The following ATXN1 variants were observed in gnomAD, a reference collection of about 807,000 sequenced individuals.
The protein encoded by ATXN1 is ataxin-1.
Under a neutral mutation model 56.4 loss-of-function variants are expected in ATXN1, and 8 were observed. The ratio of observed to expected loss-of-function variants is 0.14; its 90% CI spans 0.08 to 0.26. The LOEUF (loss-of-function observed/expected upper bound fraction) is 0.26. ATXN1 is among the 10% of genes least tolerant of loss of function. The pLI, the probability that ATXN1 is intolerant of heterozygous loss-of-function variation, is 1.00. For missense variants in ATXN1, 987 were observed against 1,106.5 expected, an observed-to-expected ratio of 0.89 and a Z score of 1.53; for synonymous variants, 514 against 494.6, an observed-to-expected ratio of 1.04 and a Z score of -0.52.
intron 1 of ATXN1, among the ~76,000 whole-genome samples, chr6:16,759,729 G>A (rs545340276): frequency 6.3e-4 from 95 of 151,846 alleles, no homozygotes; most frequent in African/African-American, 2.3e-3. Context: ...TTTTCTGGCA[G>A]AGTCTCGATC....
chr6:16,322,578 C>G (rs1760679306), intron 7 of ATXN1, among the ~76,000 whole-genome samples: 2 of 152,196 alleles, frequency 1.3e-5, no homozygotes, highest in Non-Finnish European at 2.9e-5. Flanking sequence ...TTCTGAATTT[C>G]TCTGTGGGTG....
intron 4 of ATXN1, among the ~76,000 whole-genome samples, chr6:16,551,940 G>A (rs1023937830): frequency 2.6e-5 from 4 of 152,120 alleles, no homozygotes; most frequent in African/African-American, 4.8e-5. Flanking sequence ...TCTTTAAATC[G>A]AAAAATCAAG....
intron 2 of ATXN1, among the ~76,000 whole-genome samples, chr6:16,721,249 T>C (rs750023540): frequency 8.5e-5 from 13 of 152,250 alleles, no homozygotes; most frequent in Non-Finnish European, 1.5e-4. Flanking sequence ...TTACGGCATG[T>C]AGCCATCCCA....
intron 6 of ATXN1, among the ~76,000 whole-genome samples, chr6:16,343,521 C>T (rs916720281): frequency 2.0e-5 from 3 of 152,078 alleles, no homozygotes; most frequent in Non-Finnish European, 1.5e-5. Context: ...CCTTTAAGCC[C>T]TTAAAGCTGT....
rs530476903 is a variant in ATXN1 at position 16,576,352 on chromosome 6, G to A, written c.-361+9428C>T. Among the ~76,000 whole-genome samples the A allele has an allele frequency of 2.0e-5, 3 of 152,190 alleles. No individual in the cohort carries two copies. The East Asian group carries it at 5.8e-4, about 29-fold the overall frequency. ...CCTCAGGAATAATAAACAAACAGTG[G>A]GGGCATATTTTCTGCCACAAATTAC... On this transcript the variant is annotated intron_variant, in intron 4 of 7. Coordinates refer to ENST00000436367, the MANE Select transcript of ATXN1 (RefSeq NM_001128164.2).
chr6:16,528,624 A>G (rs541432385), intron 4 of ATXN1, among the ~76,000 whole-genome samples: 1 of 152,296 alleles, frequency 6.6e-6, no homozygotes, highest in East Asian at 1.9e-4. Context: ...TGCCACAACC[A>G]TTTGCTGAGT....
At chr6:16,356,917 G>A (rs912515673) in intron 6 of ATXN1, among the ~76,000 whole-genome samples, 1 of 152,172 alleles carries the variant, frequency 6.6e-6, no homozygotes, top group African/African-American at 2.4e-5. Context: ...TCTAGATTGG[G>A]AAAGCAGGGG....
At chr6:16,452,297 A>G (rs1759770336) in intron 6 of ATXN1, among the ~76,000 whole-genome samples, 1 of 152,238 alleles carries the variant, frequency 6.6e-6, no homozygotes, top group South Asian at 2.1e-4. Flanking sequence ...GAATACATGC[A>G]GGGATGAATA....
intron 3 of ATXN1, among the ~76,000 whole-genome samples, chr6:16,642,647 A>G (rs1763726151): frequency 6.6e-6 from 1 of 152,196 alleles, no homozygotes; most frequent in Non-Finnish European, 1.5e-5. Context: ...AAATGTGGCA[A>G]ACGTCATTGT....
intron 2 of ATXN1, among the ~76,000 whole-genome samples, chr6:16,664,271 CAATG>C (rs1195451953): frequency 6.6e-6 from 1 of 152,108 alleles, no homozygotes; most frequent in Admixed American, 6.5e-5. Context: ...TGGCATAATA[CAATG>C]AATGAAGAGT....
At chr6:16,628,568 A>G (rs982416641) in intron 3 of ATXN1, among the ~76,000 whole-genome samples, 1 of 152,148 alleles carries the variant, frequency 6.6e-6, no homozygotes, top group African/African-American at 2.4e-5. Context: ...TCACCCAGAT[A>G]CTAAGCCTAG....
chr6:16,379,403 G>A (rs1026651474), intron 6 of ATXN1, among the ~76,000 whole-genome samples: 4 of 151,922 alleles, frequency 2.6e-5, no homozygotes, highest in South Asian at 2.1e-4. Context: ...AATAACTTAC[G>A]GAAAAATAAA....
At chr6:16,458,705 C>G (rs939411631) in intron 6 of ATXN1, among the ~76,000 whole-genome samples, 1 of 152,186 alleles carries the variant, frequency 6.6e-6, no homozygotes, top group Non-Finnish European at 1.5e-5. Flanking sequence ...GGCTTGTTAT[C>G]AGTGTGGTTT....
intron 3 of ATXN1, among the ~76,000 whole-genome samples, chr6:16,637,721 C>T (rs1208886480): frequency 6.6e-6 from 1 of 152,142 alleles, no homozygotes; most frequent in Non-Finnish European, 1.5e-5. Flanking sequence ...CTATATAGTT[C>T]AGTTCTGCTA....
At chr6:16,650,428 AAC>A (rs549607377) in intron 3 of ATXN1, among the ~76,000 whole-genome samples, 151 of 152,284 alleles carry the variant, frequency 9.9e-4, no homozygotes, top group African/African-American at 3.6e-3. Flanking sequence ...AGTATTAAAA[AAC>A]ACACACACAC....
intron 5 of ATXN1, among the ~76,000 whole-genome samples, chr6:16,486,818 G>C (rs539967734): frequency 1.3e-5 from 2 of 152,158 alleles, no homozygotes; most frequent in South Asian, 2.1e-4. Context: ...CAGATTGCTG[G>C]TTTGCAGCGT....
chr6:16,473,093 C>T (rs2113641238), intron 6 of ATXN1, among the ~76,000 whole-genome samples: 1 of 152,266 alleles, frequency 6.6e-6, no homozygotes, highest in South Asian at 2.1e-4. Context: ...GCCTGCCCTA[C>T]TTGTAGACTC....
chr6:16,633,749 A>T (rs1030604371), intron 3 of ATXN1, among the ~76,000 whole-genome samples: 2 of 152,222 alleles, frequency 1.3e-5, no homozygotes, highest in African/African-American at 4.8e-5. Context: ...CAAGGCTCCG[A>T]GCTAATTAAT....
chr6:16,317,616 C>G (rs761421011), intron 7 of ATXN1, among the ~76,000 whole-genome samples: 1 of 152,090 alleles, frequency 6.6e-6, no homozygotes, highest in Non-Finnish European at 1.5e-5. Flanking sequence ...TGAGCCACCG[C>G]GCCCAGGGAT....
Sources: gnomAD v4.1 joint callset for allele counts (sites outside exome capture counted in the v4.1 genomes callset) on GRCh38, gnomAD v4.1.1 for gene constraint, MANE v1.5 for transcripts, NCBI Gene and HGNC (gene_info 2026-07-23, HGNC 2026-07-21) for gene names.